Variants in AUTS2 observed in about 807,000 individuals in gnomAD.
AUTS2 encodes the protein activator of transcription and developmental regulator AUTS2.
Under a neutral mutation model 112.4 loss-of-function variants are expected in AUTS2, and 17 were observed. The ratio of observed to expected loss-of-function variants is 0.15; its 90% CI spans 0.10 to 0.23. The LOEUF is 0.23. Ranked by LOEUF, AUTS2 falls within the 10% of genes least tolerant of loss-of-function variation. The pLI is 1.00. For synonymous variants in AUTS2, 751 were observed against 702.7 expected, an observed-to-expected ratio of 1.07 and a Z score of -1.09; for missense variants, 1,510 against 1,701.6, an observed-to-expected ratio of 0.89 and a Z score of 1.98.
intron 5 of AUTS2, among the ~76,000 whole-genome samples, chr7:70,473,344 A>C (rs562927044): frequency 1.3e-5 from 2 of 152,178 alleles, no homozygotes; most frequent in Non-Finnish European, 1.5e-5. Context: ...ACAAACCTGC[A>C]TAGTTAGCAA....
At chr7:70,583,800 C>T (rs1216673059) in intron 5 of AUTS2, among the ~76,000 whole-genome samples, 4 of 152,208 alleles carry the variant, frequency 2.6e-5, no homozygotes, top group Non-Finnish European at 5.9e-5. Context: ...TGCCTTCTGT[C>T]CCTCTTCCAG....
At chr7:70,647,010 G>T (rs1011606217) in intron 5 of AUTS2, among the ~76,000 whole-genome samples, 1 of 152,188 alleles carries the variant, frequency 6.6e-6, no homozygotes, top group Non-Finnish European at 1.5e-5. Flanking sequence ...GGGCTGAGCT[G>T]CAAGGTCTTT....
At chr7:69,917,978 G>T (rs1426901433) in intron 2 of AUTS2, among the ~76,000 whole-genome samples, 2 of 152,042 alleles carry the variant, frequency 1.3e-5, no homozygotes, top group Non-Finnish European at 2.9e-5. Flanking sequence ...TAGTAGCTGG[G>T]ACTACAGGTG....
At chr7:69,613,425 TC>T (rs1367323521) in intron 1 of AUTS2, among the ~76,000 whole-genome samples, 7 of 152,234 alleles carry the variant, frequency 4.6e-5, no homozygotes, top group African/African-American at 1.2e-4. Context: ...TTTCTCTGTT[TC>T]ACTGTTTCTC....
At chr7:69,794,859 C>T (rs1408912788) in intron 1 of AUTS2, among the ~76,000 whole-genome samples, 2 of 152,120 alleles carry the variant, frequency 1.3e-5, no homozygotes, top group Non-Finnish European at 2.9e-5. Context: ...TAGGACTATA[C>T]ATTCACAAAC....
chr7:70,336,254 G>A (rs1464525416), intron 4 of AUTS2, among the ~76,000 whole-genome samples: 1 of 151,614 alleles, frequency 6.6e-6, no homozygotes, highest in East Asian at 1.9e-4. Flanking sequence ...ACTATAAAAA[G>A]CAAAAGTCAC....
chr7:70,268,150 A>G (rs1787524245), intron 4 of AUTS2, among the ~76,000 whole-genome samples: 1 of 151,790 alleles, frequency 6.6e-6, no homozygotes, highest in South Asian at 2.1e-4. Flanking sequence ...CATACATCTG[A>G]CTCCTCCTTG....
chr7:69,927,186 T>TTATATATATATATATATA lies in AUTS2; in HGVS notation c.522+27691_522+27708dup, dbSNP rs67558137. Reference sequence around the variant, plus strand: ...TTGAATGGAAAATACTCCAATATATTTATATATATATATATATATACATAC... The same window carrying TTATATATATATATATATA: ...TTGAATGGAAAATACTCCAATATATTTATATATATATATATATATATATATATATATATATATACATAC... On this transcript the variant is annotated intron_variant, in intron 2 of 18. Transcript: ENST00000342771. Among the ~76,000 whole-genome samples, 11 of 142,398 alleles carry TTATATATATATATATATA rather than the reference T, an allele frequency of 7.7e-5. No individual in the cohort carries two copies. The East Asian group carries it at 1.6e-3, about 21-fold the overall frequency. 93.4% of individuals were successfully genotyped at this position (142,398 alleles called of 152,430 possible). A position where few individuals can be genotyped will look rare whatever the true frequency, so the allele number is the denominator to read the frequency against.
intron 5 of AUTS2, among the ~76,000 whole-genome samples, chr7:70,528,773 A>G (rs1799959315): frequency 6.6e-6 from 1 of 151,716 alleles, no homozygotes; most frequent in Non-Finnish European, 1.5e-5. Context: ...TAGCCACTGC[A>G]TTCTAGTCTG....
At chr7:70,134,163 T>G (rs1328723285) in intron 3 of AUTS2, among the ~76,000 whole-genome samples, 5 of 152,170 alleles carry the variant, frequency 3.3e-5, no homozygotes, top group African/African-American at 4.8e-5. Flanking sequence ...CTGAGTAGCT[T>G]GAGACCAGGG....
At chr7:70,687,100 A>C (rs1313241011) in intron 5 of AUTS2, among the ~76,000 whole-genome samples, 1 of 152,190 alleles carries the variant, frequency 6.6e-6, no homozygotes, top group East Asian at 1.9e-4. Flanking sequence ...TGTTGGATAC[A>C]TGAGCCGGTA....
At chr7:70,290,134 G>C (rs1040975796) in intron 4 of AUTS2, among the ~76,000 whole-genome samples, 1 of 152,136 alleles carries the variant, frequency 6.6e-6, no homozygotes, top group African/African-American at 2.4e-5. Context: ...CAAACAAATG[G>C]ATCACAAGAG....
intron 2 of AUTS2, among the ~76,000 whole-genome samples, chr7:70,004,925 A>G (rs1285860200): frequency 6.6e-6 from 1 of 151,770 alleles, no homozygotes; most frequent in Admixed American, 6.6e-5. Context: ...CCCGGGTTTG[A>G]GTAATTCTCC....
chr7:70,436,020 T>C (rs1795879706), intron 5 of AUTS2: 1 of 401,968 alleles, frequency 2.5e-6, no homozygotes, highest in East Asian at 3.6e-5. Flanking sequence ...TGACACTGAG[T>C]TTTTACTTTA....
At chr7:70,185,738 C>A (rs1809568809) in intron 4 of AUTS2, among the ~76,000 whole-genome samples, 1 of 152,128 alleles carries the variant, frequency 6.6e-6, no homozygotes, top group Admixed American at 6.5e-5. Flanking sequence ...ACCTTCATGT[C>A]TTTACATGTG....
At chr7:70,028,365 G>T (rs1800621558) in intron 2 of AUTS2, among the ~76,000 whole-genome samples, 1 of 152,160 alleles carries the variant, frequency 6.6e-6, no homozygotes, top group South Asian at 2.1e-4. Flanking sequence ...ACAGAACCTG[G>T]CCACTTGATG....
At chr7:70,781,197 C>CAAAA in intron 14 of AUTS2, among the ~76,000 whole-genome samples, 2 of 151,782 alleles carry the variant, frequency 1.3e-5, no homozygotes, top group South Asian at 4.2e-4. Flanking sequence ...CCCATATCGA[C>CAAAA]AAAAAATACA....
intron 4 of AUTS2, among the ~76,000 whole-genome samples, chr7:70,245,042 C>A (rs1258957479): frequency 1.3e-5 from 2 of 149,904 alleles, no homozygotes; most frequent in Admixed American, 6.7e-5. Context: ...ATCACTTGAA[C>A]CCAGGAGATG....
At chr7:70,342,812 T>C (rs1446507836) in intron 4 of AUTS2, among the ~76,000 whole-genome samples, 1 of 152,168 alleles carries the variant, frequency 6.6e-6, no homozygotes, top group Non-Finnish European at 1.5e-5. Flanking sequence ...TTAAAAGCAA[T>C]CAGACTTTTT....
Sources: gnomAD v4.1 joint callset for allele counts (sites outside exome capture counted in the v4.1 genomes callset) on GRCh38, gnomAD v4.1.1 for gene constraint, MANE v1.5 for transcripts, NCBI Gene and HGNC (gene_info 2026-07-23, HGNC 2026-07-21) for gene names.